RPRD1A: variants seen among roughly 807,000 people sequenced by gnomAD.
The protein encoded by RPRD1A is regulation of nuclear pre-mRNA domain-containing protein 1A.
In RPRD1A, 9 loss-of-function variants were observed where a neutral mutation model predicts 37.8. The ratio of observed to expected loss-of-function variants is 0.24; its 90% CI spans 0.14 to 0.42. The LOEUF is 0.42. RPRD1A is among the 10% of genes least tolerant of loss of function. The probability of loss-of-function intolerance (pLI) is 1.00; values close to 1 mark genes in which losing one functional copy is unlikely to be tolerated. For missense variants in RPRD1A, 255 were observed against 371.0 expected (o/e 0.69, Z 2.57); for synonymous variants, 138 against 139.7 (o/e 0.99, Z 0.08).
In RPRD1A at chr18:36,027,068, T is replaced by C. The variant is rs148598420; in HGVS notation, c.621A>G (p.Glu207=). ...VSLLDKITDK[E]SGERLSKMVE... ...CCATTTTGGAAAGCCTTTCTCCAGATTCTTTATCTAAGAAAAGCACGGGAT... is the reference window on the plus strand; with the variant it reads ...CCATTTTGGAAAGCCTTTCTCCAGACTCTTTATCTAAGAAAAGCACGGGAT... Residue 207 remains glutamate (E), a synonymous_variant, in exon 6 of 7, where the codon GAA becomes GAG. Transcript: ENST00000399022. 3.5e-3 allele frequency: 5,573 copies of C among 1,613,878 alleles called. 17 individuals carry two copies. The highest frequency in any genetic ancestry group is 4.3e-3 in the Non-Finnish European group (5,073 of 1,179,814).
chr18:36,062,053 C>A (rs2088921855), intron 1 of RPRD1A, among the ~76,000 whole-genome samples: 1 of 151,344 alleles, frequency 6.6e-6, no homozygotes, highest in South Asian at 2.1e-4. Flanking sequence ...CGCGGTGGCT[C>A]ACGCCTGTAA....
intron 5 of RPRD1A, 28 bp from the exon 6 acceptor site, chr18:36,027,103 TTATA>T: frequency 6.2e-7 from 1 of 1,612,354 alleles, no homozygotes; most frequent in Non-Finnish European, 8.5e-7. Flanking sequence ...TAATAAAATA[TTATA>T]CAACAAAAAC....
chr18:36,062,905 T>C (rs1002606012), intron 1 of RPRD1A: 3 of 152,204 alleles, frequency 2.0e-5, no homozygotes, highest in African/African-American at 7.2e-5. Flanking sequence ...CACTGAATAG[T>C]ATACTTTGAA....
chr18:36,021,559 A>G (rs1910996184), intron 6 of RPRD1A, among the ~76,000 whole-genome samples: 1 of 152,356 alleles, frequency 6.6e-6, no homozygotes, highest in African/African-American at 2.4e-5. Flanking sequence ...AAAGAATCAT[A>G]GGTCTCTCAC....
intron 6 of RPRD1A, among the ~76,000 whole-genome samples, chr18:36,017,898 T>G (rs1185611027): frequency 6.6e-6 from 1 of 152,236 alleles, no homozygotes; most frequent in Non-Finnish European, 1.5e-5. Context: ...AATTCAGTAC[T>G]TATACAATGC....
rs756578040 is a variant in RPRD1A, at chr18:36,026,910, T to C, written c.779A>G (p.His260Arg). Residue 260 changes from histidine (H) to arginine (R), a missense_variant, in exon 6 of 7, where the codon CAT (histidine) becomes CGT (arginine). His to Arg is a conservative substitution (Grantham distance 29). Coordinates refer to ENST00000399022, the MANE Select transcript of RPRD1A (RefSeq NM_018170.5). ...CQKEALAEKE[H>R]KLEEYKRKLA... ...AAAAAGGTTACGCACTTCCAATTTA[T>C]GCTCTTTCTCTGCAAGGGCTTCCTT... 6.2e-6 allele frequency: 10 copies of C among 1,613,332 alleles called. No individual in the cohort carries two copies. The highest frequency in any genetic ancestry group is 5.0e-5 in the Admixed American group (3 of 59,956).
rs568152656 is a variant in RPRD1A, at chr18:35,999,609, A to G, written c.790-6309T>C. On this transcript the variant is annotated intron_variant, in intron 6 of 6. Coordinates refer to ENST00000399022, the MANE Select transcript of RPRD1A (RefSeq NM_018170.5). ...TGCCTTTTTCTTGCAGATGCTGCTA[A>G]TAATTCATTTTATCTTTCCTACATA... Among the ~76,000 whole-genome samples the G allele has an allele frequency of 3.0e-4, 45 of 152,276 alleles. No homozygotes were observed. In the South Asian group the frequency reaches 4.1e-3, roughly 14 times the overall value.
chr18:35,990,092 A>G lies in RPRD1A; in HGVS notation c.*3059T>C, dbSNP rs192453382. ...TTTTGATATAGTGCAACAACTATGA[A>G]ACAAGACTACATCCTTAGGAGCTAT... On this transcript the variant is annotated 3_prime_UTR_variant, in exon 7 of 7. Coordinates refer to ENST00000399022, the MANE Select transcript of RPRD1A (RefSeq NM_018170.5). The G allele has an allele frequency of 2.6e-4, 40 of 152,376 alleles. No individual in the cohort carries two copies. The highest frequency in any genetic ancestry group is 1.1e-3 in the Admixed American group (17 of 15,306). 9.4% of individuals were successfully genotyped at this position (152,376 alleles called of 1,614,324 possible).
intron 2 of RPRD1A, among the ~76,000 whole-genome samples, chr18:36,031,745 C>T (rs1376506750): frequency 6.6e-6 from 1 of 152,164 alleles, no homozygotes. Context: ...TCACGCTCTC[C>T]CAGCCTCTAC....
intron 6 of RPRD1A, chr18:36,025,747 T>C (rs761363738): frequency 1.0e-5 from 7 of 699,690 alleles, no homozygotes; most frequent in Non-Finnish European, 1.5e-5. Context: ...TTGTATGACA[T>C]TACTTACCCT....
chr18:36,057,280 C>A (rs1913858477), intron 1 of RPRD1A, among the ~76,000 whole-genome samples: 1 of 151,484 alleles, frequency 6.6e-6, no homozygotes, highest in Non-Finnish European at 1.5e-5. Flanking sequence ...CATACACACA[C>A]CTTAAGTCAC....
intron 6 of RPRD1A, among the ~76,000 whole-genome samples, chr18:36,007,353 C>A (rs1407953237): frequency 6.6e-6 from 1 of 152,054 alleles, no homozygotes; most frequent in African/African-American, 2.4e-5. Flanking sequence ...ATACTTGTGA[C>A]AAGAAACAAG....
At chr18:35,998,691 C>G (rs1909240075) in intron 6 of RPRD1A, among the ~76,000 whole-genome samples, 1 of 152,148 alleles carries the variant, frequency 6.6e-6, no homozygotes, top group Non-Finnish European at 1.5e-5. Context: ...AAATTTTGCC[C>G]ATCTGTCATA....
intron 6 of RPRD1A, among the ~76,000 whole-genome samples, chr18:36,024,228 C>A (rs990780298): frequency 6.6e-6 from 1 of 151,830 alleles, no homozygotes; most frequent in African/African-American, 2.4e-5. Context: ...CTCACTGCAA[C>A]CTCCACCTCC....
chr18:36,064,589 A>G lies in RPRD1A; in HGVS notation c.151+2665T>C, dbSNP rs114025587. 6.5e-3 allele frequency among the ~76,000 whole-genome samples: 986 copies of G among 152,306 alleles called. 20 individuals carry two copies. The highest frequency in any genetic ancestry group is 0.023 in the African/African-American group (940 of 41,576). Reference sequence around the variant, plus strand: ...CTAGCTAAAAGTTTGTAAATGCAACAATCAGTGCTGTGTGTCTCGCTAAAG... The same window carrying G: ...CTAGCTAAAAGTTTGTAAATGCAACGATCAGTGCTGTGTGTCTCGCTAAAG... On this transcript the variant is annotated intron_variant, in intron 1 of 6. Transcript: ENST00000399022.
At chr18:36,018,666 TAATA>T (rs1910773818) in intron 6 of RPRD1A, among the ~76,000 whole-genome samples, 1 of 152,114 alleles carries the variant, frequency 6.6e-6, no homozygotes, top group Non-Finnish European at 1.5e-5. Flanking sequence ...GAGGGCATGG[TAATA>T]AATATGAAAA....
intron 2 of RPRD1A, among the ~76,000 whole-genome samples, chr18:36,033,307 A>C (rs1010104485): frequency 1.7e-4 from 26 of 148,844 alleles, no homozygotes; most frequent in Middle Eastern, 3.4e-3. Context: ...CTCAAAAAAA[A>C]AAAAAAAAAA....
chr18:36,062,979 T>C (rs1240703864), intron 1 of RPRD1A: 1 of 152,210 alleles, frequency 6.6e-6, no homozygotes, highest in African/African-American at 2.4e-5. Context: ...GTCACTTACA[T>C]TTTTGGTTAC....
At chr18:36,009,516 C>A (rs1193948981) in intron 6 of RPRD1A, among the ~76,000 whole-genome samples, 2 of 152,180 alleles carry the variant, frequency 1.3e-5, no homozygotes, top group Admixed American at 6.5e-5. Context: ...GATGTGAAAT[C>A]TTTAACTCAA....
Sources: allele counts gnomAD v4.1 joint callset (sites outside exome capture counted in the v4.1 genomes callset), GRCh38; gene constraint gnomAD v4.1.1; transcripts MANE v1.5; gene names NCBI Gene and HGNC (gene_info 2026-07-23, HGNC 2026-07-21).